Variants in AGAP1 observed in about 807,000 individuals in gnomAD.
AGAP1 encodes ArfGAP with GTPase domain, ankyrin repeat and PH domain 1, also known as arf-GAP with GTPase, ANK repeat and PH domain-containing protein 1.
Under a neutral mutation model 105.3 loss-of-function variants are expected in AGAP1, and 29 were observed. The ratio of observed to expected loss-of-function variants is 0.28; its 90% confidence interval spans 0.21 to 0.38. AGAP1 has a LOEUF of 0.38. Ranked by LOEUF, AGAP1 falls within the 10% of genes least tolerant of loss-of-function variation. AGAP1 has a pLI of 1.00. For missense variants in AGAP1, 998 were observed against 1,165.1 expected, an observed-to-expected ratio of 0.86 and a Z score of 2.09; for synonymous variants, 509 against 485.9, an observed-to-expected ratio of 1.05 and a Z score of -0.63.
Position 235,689,762 on chromosome 2 carries a change from G to A in AGAP1, c.164-19417G>A, listed in dbSNP as rs956881399. ...GGTAAACTGTCCTGCATGTGTGTAC[G>A]TGCACACTTGTGTGACGTGTCAGCT... On this transcript the variant is annotated intron_variant, in intron 1 of 17. Transcript: ENST00000304032. This position sits in a 1 kb window ranked among gnomAD's most constrained non-coding sequence, Gnocchi z 4.2. Among the ~76,000 whole-genome samples, 3 of 152,206 alleles carry A rather than the reference G, an allele frequency of 2.0e-5. No individual in the cohort carries two copies. The highest frequency in any genetic ancestry group is 2.9e-5 in the Non-Finnish European group (2 of 68,036).
In AGAP1 at chr2:236,124,429, T is replaced by G. The variant is rs1530936; in HGVS notation, c.*307T>G. ...ACATGGCGCAGGACCCTTGTCCTGG[T>G]GGCACAAGGGATGGGGACGCGAGGG... On this transcript the variant is annotated 3_prime_UTR_variant, in exon 18 of 18. Transcript: ENST00000304032. The surrounding 1 kb of genome is among the most constrained non-coding windows in gnomAD (Gnocchi z 5.1). The G allele has an allele frequency of 0.43, 162,157 of 380,034 alleles. 38,323 individuals carry two copies. The highest frequency in any genetic ancestry group is 0.72 in the African/African-American group (34,897 of 48,482). The allele number at this position is 380,034 out of a possible 1,614,324, so 23.5% of individuals were successfully genotyped here. A position where few individuals can be genotyped will look rare whatever the true frequency, so the allele number is the denominator to read the frequency against.
rs978041446 is a variant in AGAP1, at chr2:235,958,920, A to G, written c.1484-9542A>G. 1.3e-5 allele frequency among the ~76,000 whole-genome samples: 2 copies of G among 152,096 alleles called. No individual in the cohort carries two copies. Among genetic ancestry groups the G allele is most frequent in the African/African-American group, 4.8e-5 (2 of 41,418 alleles). On this transcript the variant is annotated intron_variant, in intron 12 of 17. Coordinates refer to ENST00000304032, the MANE Select transcript of AGAP1 (RefSeq NM_001037131.3). The surrounding 1 kb of genome is among the most constrained non-coding windows in gnomAD (Gnocchi z 4.1). Reference sequence around the variant, plus strand: ...AAGCTCGGAGAGACTGCAGATTGTGATCATTATTGCTCGTATTATATATTT... The same window carrying G: ...AAGCTCGGAGAGACTGCAGATTGTGGTCATTATTGCTCGTATTATATATTT...
rs148121797 is a variant in AGAP1, at chr2:235,774,126, A to G, written c.674-23633A>G. 3.7e-4 allele frequency: 145 copies of G among 392,486 alleles called. 1 individual carries two copies. The East Asian group carries it at 7.2e-3, about 19-fold the overall frequency. The allele number at this position is 392,486 out of a possible 1,614,324, so 24.3% of individuals were successfully genotyped here. A position where few individuals can be genotyped will look rare whatever the true frequency, so the allele number is the denominator to read the frequency against. On this transcript the variant is annotated intron_variant, in intron 6 of 17. Coordinates refer to ENST00000304032, the MANE Select transcript of AGAP1 (RefSeq NM_001037131.3). ...AAATATCCAGATCTAGGAGAAAACT[A>G]TTTGTAGAAGTCTTGAAAATTCAAC...
At chr2:235,703,600 T>C (rs7591773) in intron 1 of AGAP1, among the ~76,000 whole-genome samples, 9,796 of 63,892 alleles carry the variant, frequency 0.15, 1,200 homozygotes, top group African/African-American at 0.39. Flanking sequence ...CCGCCCATCC[T>C]CCAGGCTGGA....
rs1042738551 is a variant in AGAP1 at position 236,009,820 on chromosome 2, T to G, written c.1646-26741T>G. Among the ~76,000 whole-genome samples, 1 of 152,180 alleles carries G rather than the reference T, an allele frequency of 6.6e-6. No individual in the cohort carries two copies. Among genetic ancestry groups the G allele is most frequent in the African/African-American group, 2.4e-5 (1 of 41,442 alleles). On this transcript the variant is annotated intron_variant, in intron 13 of 17. Transcript: ENST00000304032. This position sits in a 1 kb window ranked among gnomAD's most constrained non-coding sequence, Gnocchi z 4.2. ...GACGTCCAACATGGCTGACGCGCCT[T>G]GGACACACAGCCTCGGCGCTGCATC...
At chr2:235,674,700 T>C (rs1948630061) in intron 1 of AGAP1, among the ~76,000 whole-genome samples, 1 of 151,796 alleles carries the variant, frequency 6.6e-6, no homozygotes, top group South Asian at 2.1e-4. Flanking sequence ...AGACTTTTTT[T>C]TTTTTTTTTT....
At chr2:236,070,787 C>T in intron 16 of AGAP1, among the ~76,000 whole-genome samples, 1 of 152,006 alleles carries the variant, frequency 6.6e-6, no homozygotes, top group East Asian at 1.9e-4. Flanking sequence ...GGCGGGGAGG[C>T]ATCAGGGGGA....
chr2:235,678,523 C>T (rs1277138019), intron 1 of AGAP1, among the ~76,000 whole-genome samples: 3 of 152,102 alleles, frequency 2.0e-5, no homozygotes, highest in Admixed American at 6.6e-5. Flanking sequence ...CTCGGGCTGG[C>T]GAGGGATTGT....
At chr2:235,933,637 G>A (rs981868238) in intron 12 of AGAP1, among the ~76,000 whole-genome samples, 3 of 151,404 alleles carry the variant, frequency 2.0e-5, no homozygotes, top group Non-Finnish European at 4.4e-5. Context: ...GACTCAAGCA[G>A]TTCTCCTGCC....
rs558649089 is a variant in AGAP1 at position 235,551,644 on chromosome 2, G to A, written c.163+56795G>A. ...GACACTTTGTGAGACTAATTAAAAC[G>A]TTTTTCTTTCCAAGGCACGTGGCAG... is the stretch of plus-strand genomic sequence containing the variant. On this transcript the variant is annotated intron_variant, in intron 1 of 17. Coordinates refer to ENST00000304032, the MANE Select transcript of AGAP1 (RefSeq NM_001037131.3). The surrounding 1 kb of genome is among the most constrained non-coding windows in gnomAD (Gnocchi z 4.8). Among the ~76,000 whole-genome samples the A allele has an allele frequency of 8.5e-5, 13 of 152,336 alleles. No individual in the cohort carries two copies. Among genetic ancestry groups the A allele is most frequent in the South Asian group, 2.1e-4 (1 of 4,822 alleles).
intron 1 of AGAP1, among the ~76,000 whole-genome samples, chr2:235,571,958 GTATACATATATA>G (rs1288195670): frequency 4.7e-5 from 5 of 107,352 alleles, no homozygotes; most frequent in African/African-American, 2.0e-4. Flanking sequence ...GTGTGTGTGT[GTATACATATATA>G]TGTATACACA....
rs1488745638 is a variant in AGAP1 at position 235,577,088 on chromosome 2, C to T, written c.163+82239C>T. ...GAAATATCAGGCCTTCCTGAACCCC[C>T]TTGTACCTCTGTCCAGTGGAAGTAG... On this transcript the variant is annotated intron_variant, in intron 1 of 17. Transcript: ENST00000304032. This position sits in a 1 kb window ranked among gnomAD's most constrained non-coding sequence, Gnocchi z 4.5. 6.6e-6 allele frequency among the ~76,000 whole-genome samples: 1 copy of T among 152,216 alleles called. No homozygotes were observed. The highest frequency in any genetic ancestry group is 1.5e-5 in the Non-Finnish European group (1 of 68,044).
At position 235,927,190 on chromosome 2, in the gene AGAP1, G is replaced by A. The variant is rs755276858; in HGVS notation, c.1325-3575G>A. On this transcript the variant is annotated intron_variant, in intron 11 of 17. Transcript: ENST00000304032. The surrounding 1 kb of genome is among the most constrained non-coding windows in gnomAD (Gnocchi z 4.4). Reference sequence around the variant, plus strand: ...GCTGGGGGGCCTTCACGAGCTATAGGGCTCTAAGAGTCTGCCGTCAGAAGG... The same window carrying A: ...GCTGGGGGGCCTTCACGAGCTATAGAGCTCTAAGAGTCTGCCGTCAGAAGG... Among the ~76,000 whole-genome samples the A allele has an allele frequency of 6.6e-6, 1 of 152,134 alleles. No homozygotes were observed. Among genetic ancestry groups the A allele is most frequent in the Non-Finnish European group, 1.5e-5 (1 of 68,034 alleles).
chr2:235,522,201 G>T (rs1163711484), intron 1 of AGAP1, among the ~76,000 whole-genome samples: 1 of 152,128 alleles, frequency 6.6e-6, no homozygotes, highest in Non-Finnish European at 1.5e-5. Flanking sequence ...GCCCGACCTG[G>T]GCCAGGCTCT....
intron 11 of AGAP1, among the ~76,000 whole-genome samples, chr2:235,916,056 G>A (rs1390352773): frequency 6.6e-6 from 1 of 151,972 alleles, no homozygotes; most frequent in African/African-American, 2.4e-5. Flanking sequence ...ATGCAAAGAC[G>A]ACTACTAATC....
At chr2:235,849,858 A>C (rs1183729169) in intron 9 of AGAP1, among the ~76,000 whole-genome samples, 1 of 152,108 alleles carries the variant, frequency 6.6e-6, no homozygotes, top group Non-Finnish European at 1.5e-5. Flanking sequence ...TCCTGTCCCC[A>C]TCTCACACAT....
intron 1 of AGAP1, among the ~76,000 whole-genome samples, chr2:235,626,405 G>T (rs1189366049): frequency 6.6e-6 from 1 of 152,186 alleles, no homozygotes; most frequent in East Asian, 1.9e-4. Flanking sequence ...TCATAAGCTT[G>T]CTTGTTCCAT....
In AGAP1 at chr2:235,639,085, G is replaced by A. The variant is rs1276451938; in HGVS notation, c.164-70094G>A. ...AAGAGTCTTAGAGCCATTTGAGAGG[G>A]AGCTTCTAGAGGACTTGATGGATGG... On this transcript the variant is annotated intron_variant, in intron 1 of 17. Coordinates refer to ENST00000304032, the MANE Select transcript of AGAP1 (RefSeq NM_001037131.3). The surrounding 1 kb of genome is among the most constrained non-coding windows in gnomAD (Gnocchi z 5.3). Among the ~76,000 whole-genome samples, 1 of 152,158 alleles carries A rather than the reference G, an allele frequency of 6.6e-6. No individual in the cohort carries two copies. The highest frequency in any genetic ancestry group is 1.5e-5 in the Non-Finnish European group (1 of 68,030).
chr2:235,575,965 G>A (rs1056854289), intron 1 of AGAP1, among the ~76,000 whole-genome samples: 10 of 152,266 alleles, frequency 6.6e-5, no homozygotes, highest in African/African-American at 2.2e-4. Context: ...TTTATGAGAC[G>A]TGTTGTCCCC....
Sources: allele counts gnomAD v4.1 joint callset (sites outside exome capture counted in the v4.1 genomes callset), GRCh38; gene constraint gnomAD v4.1.1; non-coding constraint Gnocchi (gnomAD v3.1); transcripts MANE v1.5; gene names NCBI Gene and HGNC (gene_info 2026-07-23, HGNC 2026-07-21).